Variants in MGAT5 observed in about 807,000 individuals in gnomAD.
The protein encoded by MGAT5 is alpha-1,6-mannosylglycoprotein 6-beta-N-acetylglucosaminyltransferase, also known as alpha-1,6-mannosylglycoprotein 6-beta-N-acetylglucosaminyltransferase A.
In MGAT5, 30 loss-of-function variants were observed where a neutral mutation model predicts 94.3. The ratio of observed to expected loss-of-function variants is 0.32; its 90% CI spans 0.24 to 0.43. The LOEUF (loss-of-function observed/expected upper bound fraction) is 0.43. Ranked by LOEUF, MGAT5 falls within the 20% of genes least tolerant of loss-of-function variation. The pLI is 1.00. For missense variants in MGAT5, 691 were observed against 905.5 expected (o/e 0.76, Z 3.04); for synonymous variants, 310 against 322.9 (o/e 0.96, Z 0.43).
At chr2:134,321,456 T>C (rs1687314128) in intron 4 of MGAT5, among the ~76,000 whole-genome samples, 1 of 152,172 alleles carries the variant, frequency 6.6e-6, no homozygotes, top group Non-Finnish European at 1.5e-5. Context: ...TTGTGACTTC[T>C]TTCCCTCCCT....
intron 1 of MGAT5, among the ~76,000 whole-genome samples, chr2:134,235,700 G>A (rs1046481364): frequency 6.7e-6 from 1 of 150,178 alleles, no homozygotes; most frequent in African/African-American, 2.5e-5. Flanking sequence ...CTGCTGTAGG[G>A]ATTTAAATCA....
intron 1 of MGAT5, among the ~76,000 whole-genome samples, chr2:134,227,569 G>A (rs1014536813): frequency 2.0e-5 from 3 of 152,210 alleles, no homozygotes; most frequent in African/African-American, 7.2e-5. Flanking sequence ...CTCTTTGTTA[G>A]TATGGGTATA....
rs1057346377 is a variant in MGAT5, at chr2:134,159,565, A to G, written c.-143+39274A>G. 2.0e-5 allele frequency among the ~76,000 whole-genome samples: 3 copies of G among 152,314 alleles called. No individual in the cohort carries two copies. In the South Asian group the frequency reaches 6.2e-4, roughly 32 times the overall value. ...CTTCATAAGTAGTATGAGGCTGGGC[A>G]TGGTGGCTAACGCCTGCAATCCCAG... On this transcript the variant is annotated intron_variant, in intron 1 of 16. Coordinates refer to the MGAT5 transcript ENST00000409645.
chr2:134,334,574 A>G (rs968336951), intron 4 of MGAT5, among the ~76,000 whole-genome samples: 1 of 135,076 alleles, frequency 7.4e-6, no homozygotes, highest in Non-Finnish European at 1.5e-5. Context: ...CAAGTCTACA[A>G]TCCATTTGAA....
intron 1 of MGAT5, among the ~76,000 whole-genome samples, chr2:134,137,629 G>A (rs1686469492): frequency 6.6e-6 from 1 of 152,030 alleles, no homozygotes; most frequent in Non-Finnish European, 1.5e-5. Context: ...GGGATTTCTT[G>A]TATTCAACAC....
intron 1 of MGAT5, among the ~76,000 whole-genome samples, chr2:134,195,423 T>C (rs1038758782): frequency 6.6e-6 from 1 of 152,232 alleles, no homozygotes; most frequent in Non-Finnish European, 1.5e-5. Context: ...AATTCTTATG[T>C]TTTTATCTGC....
At chr2:134,121,015 G>C (rs1200169359) in intron 1 of MGAT5, among the ~76,000 whole-genome samples, 1 of 152,068 alleles carries the variant, frequency 6.6e-6, no homozygotes, top group South Asian at 2.1e-4. Flanking sequence ...AGCATGCTCA[G>C]TGCGGCCCTG....
upstream of MGAT5, among the ~76,000 whole-genome samples, chr2:134,253,435 C>T (rs1257542443): frequency 2.0e-5 from 3 of 152,146 alleles, no homozygotes; most frequent in Non-Finnish European, 1.5e-5. Flanking sequence ...GAAGAGTGGC[C>T]TGGTCTGTGC....
At chr2:134,154,430 T>A (rs1248440324) in intron 1 of MGAT5, among the ~76,000 whole-genome samples, 1 of 152,242 alleles carries the variant, frequency 6.6e-6, no homozygotes, top group East Asian at 1.9e-4. Flanking sequence ...TGTTCAGACA[T>A]GCAGGTCAGA....
At chr2:134,331,701 C>T (rs1254590088) in intron 4 of MGAT5, among the ~76,000 whole-genome samples, 2 of 151,568 alleles carry the variant, frequency 1.3e-5, no homozygotes, top group Admixed American at 1.3e-4. Flanking sequence ...GGAGAGAGTA[C>T]CAGGAGCCAC....
At chr2:134,176,108 C>T (rs895484096) in intron 1 of MGAT5, among the ~76,000 whole-genome samples, 2 of 152,104 alleles carry the variant, frequency 1.3e-5, no homozygotes, top group African/African-American at 4.8e-5. Context: ...GTTAAGACTA[C>T]TGTTTACAGA....
chr2:134,450,488 C>G lies in MGAT5; in HGVS notation c.*1641C>G, dbSNP rs990221471. 6.6e-6 allele frequency: 1 copy of G among 152,232 alleles called. No homozygotes were observed. Among genetic ancestry groups the G allele is most frequent in the Non-Finnish European group, 1.5e-5 (1 of 68,058 alleles). The allele number at this position is 152,232 out of a possible 1,614,324, so 9.4% of individuals were successfully genotyped here. A position where few individuals can be genotyped will look rare whatever the true frequency, so the allele number is the denominator to read the frequency against. ...TGGGGCCTTTAAGTCTGGGAAGTTA[C>G]ATTCTGCTTCTTTCTCAATTGCTAC... is the stretch of plus-strand genomic sequence containing the variant. On this transcript the variant is annotated 3_prime_UTR_variant, in exon 16 of 16. Coordinates refer to ENST00000281923, the MANE Select transcript of MGAT5 (RefSeq NM_002410.5).
chr2:134,180,065 A>G (rs1688662696), intron 1 of MGAT5, among the ~76,000 whole-genome samples: 1 of 152,208 alleles, frequency 6.6e-6, no homozygotes, highest in East Asian at 1.9e-4. Flanking sequence ...GTTATCCTAT[A>G]TGGTCTAAAA....
intron 1 of MGAT5, among the ~76,000 whole-genome samples, chr2:134,133,976 A>G (rs192696605): frequency 1.1e-3 from 169 of 152,334 alleles, no homozygotes; most frequent in Admixed American, 3.0e-3. Context: ...TATAGGAACA[A>G]TGGGGATGCA....
intron 1 of MGAT5, among the ~76,000 whole-genome samples, chr2:134,222,634 G>A (rs559384446): frequency 2.9e-4 from 44 of 152,358 alleles, no homozygotes; most frequent in African/African-American, 1.0e-3. Flanking sequence ...CATCACTTTT[G>A]TATTGCACCA....
In MGAT5 at chr2:134,318,830, TG is replaced by T. The variant is rs1372604622; in HGVS notation, c.573+93del. 6 of 891,354 alleles carry T rather than the reference TG, an allele frequency of 6.7e-6. No homozygotes were observed. In the East Asian group the frequency reaches 1.5e-4, roughly 22 times the overall value. The allele number at this position is 891,354 out of a possible 1,614,324, so 55.2% of individuals were successfully genotyped here. ...GAAATTTGAAAAGCTTGAAAACGTGTGGTATTTTTATGTGGAGGACCTATGG... is the reference window on the plus strand; with the variant it reads ...GAAATTTGAAAAGCTTGAAAACGTGTGTATTTTTATGTGGAGGACCTATGG... On this transcript the variant is annotated intron_variant, in intron 4 of 15. Transcript: ENST00000281923.
intron 1 of MGAT5, among the ~76,000 whole-genome samples, chr2:134,161,112 G>T (rs1181652223): frequency 6.6e-6 from 1 of 152,376 alleles, no homozygotes; most frequent in African/African-American, 2.4e-5. Context: ...GCCAGTGGTT[G>T]TGCGTTTGCA....
intron 11 of MGAT5, among the ~76,000 whole-genome samples, chr2:134,406,130 G>A (rs750588695): frequency 2.0e-5 from 3 of 152,168 alleles, no homozygotes; most frequent in Non-Finnish European, 4.4e-5. Flanking sequence ...CTCTTTTAAA[G>A]TGGCTTCTTT....
intron 10 of MGAT5, among the ~76,000 whole-genome samples, chr2:134,381,691 T>C (rs1369118306): frequency 6.6e-6 from 1 of 152,228 alleles, no homozygotes. Context: ...GTTGGCTTCC[T>C]ACTTTCCATG....
Sources: allele counts gnomAD v4.1 joint callset (sites outside exome capture counted in the v4.1 genomes callset), GRCh38; gene constraint gnomAD v4.1.1; transcripts MANE v1.5; gene names NCBI Gene and HGNC (gene_info 2026-07-23, HGNC 2026-07-21).